ERP44: variants seen among roughly 807,000 people sequenced by gnomAD.
ERP44 encodes the protein endoplasmic reticulum resident protein 44.
A neutral mutation model predicts 53.4 loss-of-function variants in ERP44; 25 were observed. The observed-to-expected ratio is 0.47, with a 90% CI of 0.34 to 0.65. The LOEUF is 0.65. Among genes scored for constraint, ERP44 ranks in the 30% least tolerant of loss-of-function variants. ERP44 has a pLI of 0.01. For synonymous variants in ERP44, 145 were observed against 161.2 expected (o/e 0.90, Z 0.76); for missense variants, 338 against 493.2 (o/e 0.69, Z 2.98).
intron 4 of ERP44, among the ~76,000 whole-genome samples, chr9:100,040,448 A>G (rs1469774889): frequency 6.6e-6 from 1 of 152,212 alleles, no homozygotes; most frequent in African/African-American, 2.4e-5. Context: ...CTGAAAAAGC[A>G]TTTGATAAAA....
At chr9:100,068,048 C>T (rs1826243977) in intron 1 of ERP44, among the ~76,000 whole-genome samples, 1 of 150,412 alleles carries the variant, frequency 6.6e-6, no homozygotes, top group Non-Finnish European at 1.5e-5. Context: ...AGTCCCCCGC[C>T]CGGCCAGCCG....
intron 4 of ERP44, among the ~76,000 whole-genome samples, chr9:100,033,921 A>G (rs916076742): frequency 2.6e-5 from 4 of 152,190 alleles, no homozygotes; most frequent in African/African-American, 4.8e-5. Context: ...AGCTCAAGTT[A>G]CAGAATATGG....
intron 8 of ERP44, 64 bp downstream of exon 8, chr9:100,016,258 G>A (rs1038127562): frequency 6.5e-7 from 1 of 1,536,260 alleles, no homozygotes; most frequent in Non-Finnish European, 8.7e-7. Flanking sequence ...TAAGACAGGT[G>A]GAGGAAGCTT....
intron 10 of ERP44, among the ~76,000 whole-genome samples, chr9:100,005,487 AAAGT>A (rs1376227489): frequency 6.6e-6 from 1 of 152,276 alleles, no homozygotes; most frequent in Non-Finnish European, 1.5e-5. Flanking sequence ...GAGCATAGAT[AAAGT>A]AAGAACAACT....
chr9:100,079,870 G>C (rs189807335), intron 1 of ERP44, among the ~76,000 whole-genome samples: 15 of 151,612 alleles, frequency 9.9e-5, no homozygotes, highest in African/African-American at 3.6e-4. Flanking sequence ...AGGAGTTCTA[G>C]GTTACATTGT....
chr9:100,063,095 A>G (rs1176786120), intron 1 of ERP44, among the ~76,000 whole-genome samples: 1 of 147,346 alleles, frequency 6.8e-6, no homozygotes, highest in East Asian at 2.0e-4. Context: ...AAAAAAAAAG[A>G]GAGAGAGAGA....
intron 4 of ERP44, among the ~76,000 whole-genome samples, chr9:100,050,103 A>G (rs1252709156): frequency 6.6e-6 from 1 of 151,756 alleles, no homozygotes; most frequent in African/African-American, 2.4e-5. Flanking sequence ...AAAATTCTAG[A>G]AAATGCAAAC....
chr9:100,027,218 G>C (rs530926468), intron 4 of ERP44, among the ~76,000 whole-genome samples: 1 of 152,302 alleles, frequency 6.6e-6, no homozygotes, highest in South Asian at 2.1e-4. Flanking sequence ...AAAATCACAA[G>C]AGTCTATTAA....
At chr9:100,025,439 T>G (rs896831689) in intron 4 of ERP44, among the ~76,000 whole-genome samples, 5 of 152,176 alleles carry the variant, frequency 3.3e-5, no homozygotes, top group African/African-American at 1.2e-4. Flanking sequence ...AAAGCTGGAT[T>G]TAGTCTAGCA....
intron 1 of ERP44, among the ~76,000 whole-genome samples, chr9:100,068,036 T>G (rs1238617210): frequency 8.5e-6 from 1 of 117,212 alleles, no homozygotes; most frequent in Non-Finnish European, 1.8e-5. Flanking sequence ...GGTGGGGGGG[T>G]CAGTCCCCCG....
Position 100,094,531 on chromosome 9 carries a change from G to A in ERP44, c.57+4253C>T, listed in dbSNP as rs367847238. 2.2e-4 allele frequency among the ~76,000 whole-genome samples: 34 copies of A among 152,028 alleles called. No individual in the cohort carries two copies. In the East Asian group the frequency reaches 2.7e-3, roughly 12 times the overall value. ...AAATTAGCCAGGCACAGTGGCAAGCGCCTGTAATCCCAGCTAATGGGGAGG... is the reference window on the plus strand; with the variant it reads ...AAATTAGCCAGGCACAGTGGCAAGCACCTGTAATCCCAGCTAATGGGGAGG... On this transcript the variant is annotated intron_variant, in intron 1 of 11. Transcript: ENST00000262455.
chr9:100,005,163 G>A (rs2118630532), intron 10 of ERP44, among the ~76,000 whole-genome samples: 1 of 152,190 alleles, frequency 6.6e-6, no homozygotes, highest in Admixed American at 6.5e-5. Context: ...TCTTGCCAAG[G>A]TCACCTTTCT....
At chr9:100,078,793 C>T (rs927970931) in intron 1 of ERP44, among the ~76,000 whole-genome samples, 1 of 151,874 alleles carries the variant, frequency 6.6e-6, no homozygotes, top group Non-Finnish European at 1.5e-5. Flanking sequence ...AGAAAAATAT[C>T]TTCATTTTAT....
At chr9:99,985,396 T>C (rs1208880019) in intron 10 of ERP44, among the ~76,000 whole-genome samples, 1 of 152,180 alleles carries the variant, frequency 6.6e-6, no homozygotes, top group Non-Finnish European at 1.5e-5. Context: ...ATTACATATA[T>C]GTAACTAAAA....
intron 1 of ERP44, among the ~76,000 whole-genome samples, chr9:100,068,347 C>T (rs1826252435): frequency 7.3e-6 from 1 of 137,764 alleles, no homozygotes; most frequent in Non-Finnish European, 1.6e-5. Context: ...GGTCAGCCCC[C>T]CGCCCGGCCA....
At chr9:99,995,934 T>A (rs527642642) in intron 10 of ERP44, among the ~76,000 whole-genome samples, 2 of 151,032 alleles carry the variant, frequency 1.3e-5, no homozygotes, top group African/African-American at 2.4e-5. Flanking sequence ...TTTTTTTTTT[T>A]TTTTTTTATT....
At chr9:100,085,504 C>A (rs1241332425) in intron 1 of ERP44, among the ~76,000 whole-genome samples, 2 of 152,156 alleles carry the variant, frequency 1.3e-5, no homozygotes, top group African/African-American at 2.4e-5. Flanking sequence ...AAAAACTATA[C>A]CCCCATGGAA....
At chr9:100,072,917 G>A (rs1826321407) in intron 1 of ERP44, among the ~76,000 whole-genome samples, 1 of 152,182 alleles carries the variant, frequency 6.6e-6, no homozygotes, top group South Asian at 2.1e-4. Flanking sequence ...GAATCCTTCT[G>A]AATTTTAGAT....
intron 6 of ERP44, 65 bp from the exon 7 acceptor site, chr9:100,018,378 C>T (rs10988946): frequency 0.014 from 13,124 of 906,998 alleles, 138 homozygotes; most frequent in Non-Finnish European, 0.02. Flanking sequence ...GAATTACAGA[C>T]TTGAAATATA....
Sources: allele counts gnomAD v4.1 joint callset (sites outside exome capture counted in the v4.1 genomes callset), GRCh38; gene constraint gnomAD v4.1.1; transcripts MANE v1.5; gene names NCBI Gene and HGNC (gene_info 2026-07-23, HGNC 2026-07-21).